ZDHHC23: variants seen among roughly 807,000 people sequenced by gnomAD.
ZDHHC23 encodes the protein palmitoyltransferase ZDHHC23.
In ZDHHC23, 41 loss-of-function variants were observed where a neutral mutation model predicts 40.2. The observed-to-expected ratio is 1.02, with a 90% confidence interval of 0.79 to 1.32. The LOEUF is 1.32. Among genes scored for constraint, ZDHHC23 ranks in the 40% most tolerant of loss-of-function variants. The pLI, the probability that ZDHHC23 is intolerant of heterozygous loss-of-function variation, is 0.00. For synonymous variants in ZDHHC23, 204 were observed against 210.2 expected, an observed-to-expected ratio of 0.97 and a Z score of 0.26; for missense variants, 471 against 541.5, an observed-to-expected ratio of 0.87 and a Z score of 1.29.
rs775119560 is a variant in ZDHHC23 at position 113,954,098 on chromosome 3, G to A, written c.560G>A (p.Arg187Lys). The change falls in exon 3 of 5, where the codon AGA becomes AAA. Residue 187 changes from arginine (R) to lysine (K), a missense_variant. By Grantham distance (26) the Arg-to-Lys change is conservative. Coordinates refer to ENST00000638807, the MANE Select transcript of ZDHHC23 (RefSeq NM_001320466.2). ...TTTCTGATACTCTTAGCCTTGCACA[G>A]AGCCAAGAAGAATCCAGGCTACCTC... The part of the protein sequence containing the change: ...GLFLILLALH[R>K]AKKNPGYLSN... 5 of 1,614,194 alleles carry A rather than the reference G, an allele frequency of 3.1e-6. No homozygotes were observed. In the Admixed American group the frequency reaches 5.0e-5, roughly 16 times the overall value.
At chr3:113,965,651 G>A (rs922549567), downstream of ZDHHC23, among the ~76,000 whole-genome samples, 1 of 152,134 alleles carries the variant, frequency 6.6e-6, no homozygotes, top group Non-Finnish European at 1.5e-5. Context: ...GTGCAGTGGT[G>A]CAATCTCGGC....
downstream of ZDHHC23, among the ~76,000 whole-genome samples, chr3:113,968,578 T>C (rs1316064385): frequency 1.3e-5 from 2 of 151,754 alleles, no homozygotes; most frequent in South Asian, 2.1e-4. Flanking sequence ...GCCTCCCCAG[T>C]AGCTGGGACT....
intron 4 of ZDHHC23, 62 bp from the exon 5 acceptor site, chr3:113,958,301 T>C: frequency 6.9e-7 from 1 of 1,452,794 alleles, no homozygotes. Context: ...AACGTGAGAA[T>C]GATGACAGTT....
the ZDHHC23 span, chr3:113,978,329 G>A: frequency 2.4e-4 from 391 of 1,613,556 alleles, 3 homozygotes; most frequent in South Asian, 1.3e-3. Context: ...GATCAATCAC[G>A]TACTGGGGAT....
downstream of ZDHHC23, among the ~76,000 whole-genome samples, chr3:113,966,146 G>C (rs968778009): frequency 6.6e-6 from 1 of 152,126 alleles, no homozygotes; most frequent in African/African-American, 2.4e-5. Flanking sequence ...GCCTCAGTGC[G>C]TAGACATATT....
In ZDHHC23 at chr3:113,960,845, C is replaced by G. The variant is rs1939632213; in HGVS notation, c.*2215C>G. ...TTGAGAACCCATGATGGACAGTTGA[C>G]AGAATGCTTAAACCTGTCAAAAGAT... On this transcript the variant is annotated 3_prime_UTR_variant, in exon 5 of 5. Transcript: ENST00000638807. 8.2e-6 allele frequency: 12 copies of G among 1,458,206 alleles called. No individual in the cohort carries two copies. The highest frequency in any genetic ancestry group is 1.1e-5 in the Non-Finnish European group (12 of 1,100,868). 90.3% of individuals were successfully genotyped at this position (1,458,206 alleles called of 1,614,324 possible).
Position 113,958,494 on chromosome 3 carries a change from A to G in ZDHHC23, c.1172A>G (p.Gln391Arg). 1 of 1,614,126 alleles carries G rather than the reference A, an allele frequency of 6.2e-7. No homozygotes were observed. The highest frequency in any genetic ancestry group is 1.1e-5 in the South Asian group (1 of 91,086). ...CGGGAAGTCCAGCAGGCCCTCCGACAGAAGACTGGGCGCCGGCTCCTCTGC... is the reference window on the plus strand; with the variant it reads ...CGGGAAGTCCAGCAGGCCCTCCGACGGAAGACTGGGCGCCGGCTCCTCTGC... ...TEREVQQALR[Q>R]KTGRRLLCGL... is the part of the protein sequence containing the mutation. The change falls in exon 5 of 5, where the codon CAG becomes CGG. Residue 391 changes from glutamine to arginine, a missense_variant. Gln to Arg is a conservative substitution (Grantham distance 43, BLOSUM62 1). Transcript: ENST00000638807.
intron 2 of ZDHHC23, among the ~76,000 whole-genome samples, chr3:113,952,773 G>C (rs192810216): frequency 1.0e-3 from 158 of 152,318 alleles, no homozygotes; most frequent in Non-Finnish European, 1.8e-3. Flanking sequence ...GTCTGGTGAG[G>C]TCTCCTCAGC....
chr3:113,953,940 G>GA lies in ZDHHC23; in HGVS notation c.405dup (p.Glu136ArgfsTer67). 1 of 1,614,130 alleles carries GA rather than the reference G, an allele frequency of 6.2e-7. No homozygotes were observed. Among genetic ancestry groups the GA allele is most frequent in the Non-Finnish European group, 8.5e-7 (1 of 1,180,028 alleles). ...GGTACTACTACCTCACTCACAGAAG[G>GA]AAAGAACAGACCCTGTTTTTCCTGA... On this transcript the variant is annotated frameshift_variant, in exon 3 of 5. Coordinates refer to ENST00000638807, the MANE Select transcript of ZDHHC23 (RefSeq NM_001320466.2). LOFTEE classifies it high-confidence loss of function.
At chr3:113,968,927 G>T (rs1297764015), downstream of ZDHHC23, among the ~76,000 whole-genome samples, 3 of 150,840 alleles carry the variant, frequency 2.0e-5, no homozygotes, top group Non-Finnish European at 4.4e-5. Context: ...TTGCAGTTTT[G>T]CCAGCTGTAC....
In ZDHHC23 at chr3:113,960,715, A is replaced by G; in HGVS notation, c.*2085A>G. 1 of 1,597,958 alleles carries G rather than the reference A, an allele frequency of 6.3e-7. No individual in the cohort carries two copies. Among genetic ancestry groups the G allele is most frequent in the East Asian group, 2.3e-5 (1 of 44,030 alleles). ...CAATTTTTTTTAACAACTTACCTCT[A>G]ATAGGGTTACTTGGATGAGCCAACT... On this transcript the variant is annotated 3_prime_UTR_variant, in exon 5 of 5. Coordinates refer to ENST00000638807, the MANE Select transcript of ZDHHC23 (RefSeq NM_001320466.2).
In ZDHHC23 at chr3:113,959,377, G is replaced by C; in HGVS notation, c.*747G>C. On this transcript the variant is annotated 3_prime_UTR_variant, in exon 5 of 5. Transcript: ENST00000638807. ...AAAGACAGTTGACAACAGTTATAAA[G>C]ATAATTATTGCTAGTGTAATGTAGT... 5 of 1,135,386 alleles carry C rather than the reference G, an allele frequency of 4.4e-6. No homozygotes were observed. The African/African-American group carries it at 7.9e-5, about 18-fold the overall frequency. 70.3% of individuals were successfully genotyped at this position (1,135,386 alleles called of 1,614,324 possible).
rs1201871787 is a variant in ZDHHC23, at chr3:113,959,668, A to G, written c.*1038A>G. ...ATGTATTTCAAATGCTGTCAGTTAT[A>G]GCACTAAATTGTGAAAATCAGCCTT... On this transcript the variant is annotated 3_prime_UTR_variant, in exon 5 of 5. Transcript: ENST00000638807. 17 of 1,148,984 alleles carry G rather than the reference A, an allele frequency of 1.5e-5. No individual in the cohort carries two copies. The highest frequency in any genetic ancestry group is 1.7e-5 in the Non-Finnish European group (15 of 902,270). The allele number at this position is 1,148,984 out of a possible 1,614,324, so 71.2% of individuals were successfully genotyped here.
rs202000108 is a variant in ZDHHC23, at chr3:113,948,920, A to G, written c.118A>G (p.Thr40Ala). 89 of 1,614,036 alleles carry G rather than the reference A, an allele frequency of 5.5e-5. 1 individual carries two copies. The highest frequency in any genetic ancestry group is 4.0e-5 in the African/African-American group (3 of 74,900). ...GAATGGGGAAAAGAACCACGTGGCTACTTGTTTGTGTGATTGTCAAGATCT... is the reference window on the plus strand; with the variant it reads ...GAATGGGGAAAAGAACCACGTGGCTGCTTGTTTGTGTGATTGTCAAGATCT... ...DRNGEKNHVA[T>A]CLCDCQDLDE... The change falls in exon 2 of 5, where the codon ACT (threonine) becomes GCT (alanine). Residue 40 changes from threonine to alanine, a missense_variant. This residue lies in a region of ZDHHC23 where 83 missense variants were observed against 67.8 expected (regional missense o/e 1.22). Coordinates refer to ENST00000638807, the MANE Select transcript of ZDHHC23 (RefSeq NM_001320466.2).
downstream of ZDHHC23, among the ~76,000 whole-genome samples, chr3:113,965,776 T>C (rs181482681): frequency 2.0e-5 from 3 of 151,916 alleles, no homozygotes; most frequent in East Asian, 5.8e-4. Flanking sequence ...TGTATTTTTA[T>C]TGGAGACGGG....
the ZDHHC23 span, among the ~76,000 whole-genome samples, chr3:113,972,746 G>A: frequency 6.6e-6 from 1 of 152,086 alleles, no homozygotes; most frequent in Non-Finnish European, 1.5e-5. Context: ...TTGATGTTGA[G>A]TGCATAGATA....
chr3:113,959,535 C>T lies in ZDHHC23; in HGVS notation c.*905C>T. 3.1e-6 allele frequency: 4 copies of T among 1,274,908 alleles called. No homozygotes were observed. Among genetic ancestry groups the T allele is most frequent in the Non-Finnish European group, 4.1e-6 (4 of 977,090 alleles). The allele number at this position is 1,274,908 out of a possible 1,614,324, so 79.0% of individuals were successfully genotyped here. A position where few individuals can be genotyped will look rare whatever the true frequency, so the allele number is the denominator to read the frequency against. ...TGTTTCACCAGGTAAGGTGCTAGCA[C>T]ACTTGTGACTGTGGCTGGAAGAGGA... is the stretch of plus-strand genomic sequence containing the variant. On this transcript the variant is annotated 3_prime_UTR_variant, in exon 5 of 5. Coordinates refer to ENST00000638807, the MANE Select transcript of ZDHHC23 (RefSeq NM_001320466.2).
At chr3:113,978,729 G>GA in the ZDHHC23 span, 1 of 931,410 alleles carries the variant, frequency 1.1e-6, no homozygotes, top group African/African-American at 1.7e-5. Context: ...TCAAAGCAGT[G>GA]AATGGGATTG....
the ZDHHC23 span, among the ~76,000 whole-genome samples, chr3:113,976,815 C>T: frequency 1.3e-5 from 2 of 152,080 alleles, no homozygotes; most frequent in Non-Finnish European, 2.9e-5. Flanking sequence ...TGTTCAGGGT[C>T]ACATAGATAT....
Sources: allele counts gnomAD v4.1 joint callset (sites outside exome capture counted in the v4.1 genomes callset), GRCh38; gene constraint gnomAD v4.1.1; regional missense constraint gnomAD v4.1.1; transcripts MANE v1.5; gene names NCBI Gene and HGNC (gene_info 2026-07-23, HGNC 2026-07-21).